PCDH11X: variants seen among roughly 807,000 people sequenced by gnomAD.
The protein encoded by PCDH11X is protocadherin 11 X-linked.
A neutral mutation model predicts 53.3 loss-of-function variants in PCDH11X; 18 were observed. The observed-to-expected ratio is 0.34, with a 90% CI of 0.23 to 0.50. The LOEUF (loss-of-function observed/expected upper bound fraction) is 0.50, where lower values mean the gene tolerates loss of function less well. Ranked by LOEUF, PCDH11X falls within the 20% of genes least tolerant of loss-of-function variation. The pLI, the probability that PCDH11X is intolerant of heterozygous loss-of-function variation, is 0.98. For synonymous variants in PCDH11X, 279 were observed against 393.3 expected, an observed-to-expected ratio of 0.71 and a Z score of 3.44; for missense variants, 570 against 1,032.4, an observed-to-expected ratio of 0.55 and a Z score of 6.14.
intron 6 of PCDH11X, among the ~76,000 whole-genome samples, chrX:92,005,755 A>T (rs189196567): frequency 2.4e-4 from 27 of 111,977 alleles, no homozygotes; most frequent in Middle Eastern, 4.6e-3. Flanking sequence ...TTCTAATTGA[A>T]GTACTCCCTA....
chrX:92,536,662 T>TC (rs2074664606), intron 10 of PCDH11X, among the ~76,000 whole-genome samples: 1 of 93,887 alleles, frequency 1.1e-5, no homozygotes, highest in Admixed American at 1.2e-4. Flanking sequence ...CCTTTTTTTT[T>TC]TTTTTTTTTT....
At chrX:91,890,191 A>G (rs1940411338) in intron 6 of PCDH11X, among the ~76,000 whole-genome samples, 1 of 111,298 alleles carries the variant, frequency 9.0e-6, no homozygotes, top group Admixed American at 9.6e-5. Flanking sequence ...ATATGTTTGC[A>G]TATATGTGTG....
intron 9 of PCDH11X, among the ~76,000 whole-genome samples, chrX:92,451,382 A>G (rs1222491551): frequency 3.6e-5 from 4 of 110,527 alleles, no homozygotes; most frequent in Middle Eastern, 4.7e-3. Flanking sequence ...TATTAATGCT[A>G]TGTCCTACTA....
At chrX:92,469,381 C>T (rs1296084285) in intron 10 of PCDH11X, among the ~76,000 whole-genome samples, 1 of 111,070 alleles carries the variant, frequency 9.0e-6, no homozygotes, top group Non-Finnish European at 1.9e-5. Context: ...TACATTTCTG[C>T]CTATCATCTG....
chrX:92,134,913 G>GC (rs760225525), intron 6 of PCDH11X, among the ~76,000 whole-genome samples: 195 of 110,262 alleles, frequency 1.8e-3, no homozygotes, highest in South Asian at 5.2e-3. Flanking sequence ...TGTATTTTGT[G>GC]CCCACTTCCT....
chrX:92,594,401 T>G (rs1022938115), intron 10 of PCDH11X, among the ~76,000 whole-genome samples: 29 of 111,001 alleles, frequency 2.6e-4, no homozygotes, highest in African/African-American at 8.8e-4. Context: ...AAGTAGAAAA[T>G]TGTGTTTGGC....
At chrX:92,276,339 T>A (rs2068090848) in intron 8 of PCDH11X, among the ~76,000 whole-genome samples, 1 of 108,091 alleles carries the variant, frequency 9.3e-6, no homozygotes, top group South Asian at 4.1e-4. Flanking sequence ...CTTTAGCCAT[T>A]AAGCCAAGAA....
chrX:91,912,780 G>T (rs1408257389), intron 6 of PCDH11X, among the ~76,000 whole-genome samples: 1 of 109,493 alleles, frequency 9.1e-6, no homozygotes, highest in African/African-American at 3.3e-5. Flanking sequence ...ACCCCCACAG[G>T]AACATACCAG....
intron 6 of PCDH11X, among the ~76,000 whole-genome samples, chrX:92,176,503 T>C (rs1388212597): frequency 1.8e-5 from 2 of 112,140 alleles, no homozygotes; most frequent in Non-Finnish European, 3.8e-5. Flanking sequence ...AGATTCAACA[T>C]GCGAAACATT....
chrX:91,994,994 A>G (rs914620766), intron 6 of PCDH11X, among the ~76,000 whole-genome samples: 4 of 111,338 alleles, frequency 3.6e-5, no homozygotes, highest in African/African-American at 1.3e-4. Context: ...TCATTGGATT[A>G]TTCGGTGTTT....
At chrX:92,229,052 G>A (rs2067022251) in intron 7 of PCDH11X, among the ~76,000 whole-genome samples, 1 of 111,704 alleles carries the variant, frequency 9.0e-6, no homozygotes, top group Non-Finnish European at 1.9e-5. Context: ...TTTCAATTAA[G>A]TACTAAATTA....
intron 6 of PCDH11X, among the ~76,000 whole-genome samples, chrX:92,185,840 C>T (rs768387673): frequency 1.9e-5 from 2 of 107,415 alleles, no homozygotes; most frequent in Admixed American, 2.0e-4. Flanking sequence ...AAAGAAAAAA[C>T]AAAACAAAAC....
chrX:92,408,085 A>G (rs1225751177), intron 9 of PCDH11X, among the ~76,000 whole-genome samples: 4 of 110,620 alleles, frequency 3.6e-5, no homozygotes, highest in African/African-American at 9.9e-5. Flanking sequence ...GGGTTTTACC[A>G]TGTTGGCCAA....
In PCDH11X at chrX:92,437,134, T is replaced by G. The variant is rs763685403; in HGVS notation, c.3344-31165T>G. 6.3e-5 allele frequency among the ~76,000 whole-genome samples: 7 copies of G among 110,874 alleles called. No homozygotes were observed. In the South Asian group the frequency reaches 2.7e-3, roughly 42 times the overall value. On this transcript the variant is annotated intron_variant, in intron 9 of 10. Transcript: ENST00000682573. ...ATCCCATAAATATATACACCTACTC[T>G]GTACGCACAAAAATTTGAAAATGAA...
At chrX:92,270,812 G>T (rs2067941526) in intron 8 of PCDH11X, among the ~76,000 whole-genome samples, 1 of 112,176 alleles carries the variant, frequency 8.9e-6, no homozygotes, top group African/African-American at 3.2e-5. Context: ...TTTATCTGTA[G>T]CTATCTGCTT....
At chrX:92,160,553 G>C (rs779493489) in intron 6 of PCDH11X, among the ~76,000 whole-genome samples, 87 of 108,018 alleles carry the variant, frequency 8.1e-4, no homozygotes, top group Non-Finnish European at 3.1e-4. Flanking sequence ...TTATCCACTC[G>C]TTGAGTGATG....
At chrX:92,145,302 C>A (rs1184324743) in intron 6 of PCDH11X, among the ~76,000 whole-genome samples, 1 of 111,193 alleles carries the variant, frequency 9.0e-6, no homozygotes, top group African/African-American at 3.3e-5. Flanking sequence ...TATTTATGAG[C>A]CCAAATATCT....
chrX:92,538,665 ATACTT>A (rs1327715234), intron 10 of PCDH11X, among the ~76,000 whole-genome samples: 23 of 97,816 alleles, frequency 2.4e-4, no homozygotes, highest in African/African-American at 8.1e-4. Flanking sequence ...TAAACACTCT[ATACTT>A]TAACTTTATA....
At chrX:92,122,955 AATAC>A in intron 6 of PCDH11X, among the ~76,000 whole-genome samples, 2 of 111,059 alleles carry the variant, frequency 1.8e-5, no homozygotes, top group Middle Eastern at 9.2e-3. Context: ...AATTTAAATA[AATAC>A]ATACATACAT....
Sources: gnomAD v4.1 joint callset for allele counts (sites outside exome capture counted in the v4.1 genomes callset) on GRCh38, gnomAD v4.1.1 for gene constraint, MANE v1.5 for transcripts, NCBI Gene and HGNC (gene_info 2026-07-23, HGNC 2026-07-21) for gene names.